Variants in APIP observed in about 807,000 individuals in gnomAD.
APIP encodes the protein APAF1 interacting protein.
APIP carries 32 observed loss-of-function variants against 32.0 expected under a neutral mutation model. The observed-to-expected ratio is 1.00, with a 90% CI of 0.76 to 1.34. The LOEUF (loss-of-function observed/expected upper bound fraction) is 1.34, where lower values mean the gene tolerates loss of function less well. APIP is among the 40% of genes most tolerant of loss of function. The pLI is 0.00. For synonymous variants in APIP, 92 were observed against 94.8 expected, an observed-to-expected ratio of 0.97 and a Z score of 0.17; for missense variants, 247 against 298.6, an observed-to-expected ratio of 0.83 and a Z score of 1.27.
chr11:34,914,299 A>G (rs1853613191), intron 1 of APIP, among the ~76,000 whole-genome samples: 1 of 152,180 alleles, frequency 6.6e-6, no homozygotes. Flanking sequence ...TGCAGCTTGC[A>G]CTTATAAATC....
intron 1 of APIP, among the ~76,000 whole-genome samples, chr11:34,901,566 T>C (rs76572964): frequency 2.6e-5 from 4 of 152,306 alleles, no homozygotes; most frequent in Non-Finnish European, 5.9e-5. Flanking sequence ...ATAGTATGAC[T>C]ATAAGGGGTG....
intron 1 of APIP, among the ~76,000 whole-genome samples, chr11:34,915,207 A>G (rs1317945858): frequency 6.6e-6 from 1 of 152,066 alleles, no homozygotes; most frequent in Non-Finnish European, 1.5e-5. Context: ...GGGTACGGAC[A>G]CTTCTCCATA....
rs1181840352 is a variant in APIP, at chr11:34,883,242, T to C, written c.629+95A>G. On this transcript the variant is annotated intron_variant, in intron 6 of 6. Coordinates refer to ENST00000395787, the MANE Select transcript of APIP (RefSeq NM_015957.4). ...AAAATAAAGTATCTACAAATAATGA[T>C]AAACAATTTAAATTTAAACCAACTG... The C allele has an allele frequency of 4.7e-6, 6 of 1,286,000 alleles. No homozygotes were observed. In the African/African-American group the frequency reaches 9.0e-5, roughly 19 times the overall value. 79.7% of individuals were successfully genotyped at this position (1,286,000 alleles called of 1,614,324 possible). A position where few individuals can be genotyped will look rare whatever the true frequency, so the allele number is the denominator to read the frequency against.
chr11:34,903,746 A>G (rs1430478009), intron 1 of APIP, among the ~76,000 whole-genome samples: 1 of 152,158 alleles, frequency 6.6e-6, no homozygotes, highest in Non-Finnish European at 1.5e-5. Flanking sequence ...TCCATAAGAG[A>G]AATTAAACCT....
chr11:34,900,212 C>G (rs1451598635), intron 1 of APIP, among the ~76,000 whole-genome samples: 1 of 152,170 alleles, frequency 6.6e-6, no homozygotes, highest in Non-Finnish European at 1.5e-5. Context: ...GGACAACTGA[C>G]CCAGTTCTTT....
rs1853243383 is a variant in APIP at position 34,895,000 on chromosome 11, A to G, written c.158+10T>C. On this transcript the variant is annotated intron_variant, in intron 2 of 6. Transcript: ENST00000395787. ...AGAGTTCCCAGTAATAAAGGCTGCC[A>G]GAAACTTACCCATGCTTCAAGCTAA... 4.3e-6 allele frequency: 7 copies of G among 1,611,216 alleles called. No individual in the cohort carries two copies. Among genetic ancestry groups the G allele is most frequent in the Non-Finnish European group, 5.9e-6 (7 of 1,177,314 alleles).
At chr11:34,899,710 G>A (rs972821525) in intron 1 of APIP, among the ~76,000 whole-genome samples, 1 of 152,144 alleles carries the variant, frequency 6.6e-6, no homozygotes, top group African/African-American at 2.4e-5. Flanking sequence ...AGTGCGACTA[G>A]GCCCAAAAGT....
intron 1 of APIP, among the ~76,000 whole-genome samples, chr11:34,904,972 C>A (rs1250542262): frequency 7.2e-5 from 11 of 152,218 alleles, no homozygotes; most frequent in Admixed American, 2.6e-4. Context: ...GCCATTTCCA[C>A]CTCTCCTTTT....
At chr11:34,908,914 C>T (rs574213400) in intron 1 of APIP, among the ~76,000 whole-genome samples, 5 of 151,984 alleles carry the variant, frequency 3.3e-5, no homozygotes, top group Non-Finnish European at 7.3e-5. Flanking sequence ...GGGCTTTGAC[C>T]TATATTTCAT....
chr11:34,882,300 A>G lies in APIP; in HGVS notation c.*417T>C, dbSNP rs1200437137. 1 of 153,494 alleles carries G rather than the reference A, an allele frequency of 6.5e-6. No individual in the cohort carries two copies. The highest frequency in any genetic ancestry group is 1.4e-5 in the Non-Finnish European group (1 of 69,034). 9.5% of individuals were successfully genotyped at this position (153,494 alleles called of 1,614,324 possible). The stretch of plus-strand genomic sequence containing the variant: ...CATTAACATTGAGGGATAAATTTGG[A>G]CTTAATGTTTCATATTTATTTTCTG... On this transcript the variant is annotated 3_prime_UTR_variant, in exon 7 of 7. Coordinates refer to ENST00000395787, the MANE Select transcript of APIP (RefSeq NM_015957.4).
At chr11:34,894,903 T>C in intron 2 of APIP, 107 bp downstream of exon 2, 1 of 948,810 alleles carries the variant, frequency 1.1e-6, no homozygotes, top group South Asian at 1.5e-5. Flanking sequence ...AGACCTTCAG[T>C]ATCACATAAA....
At chr11:34,910,290 TA>T (rs1157665429) in intron 1 of APIP, among the ~76,000 whole-genome samples, 1 of 152,226 alleles carries the variant, frequency 6.6e-6, no homozygotes, top group East Asian at 1.9e-4. Context: ...ACTGTTTCAA[TA>T]GACTGGGTGT....
chr11:34,910,638 A>G (rs1411774255), intron 1 of APIP, among the ~76,000 whole-genome samples: 2 of 152,216 alleles, frequency 1.3e-5, no homozygotes, highest in African/African-American at 2.4e-5. Context: ...TAAATATGTA[A>G]TAATACCACT....
At chr11:34,885,856 G>A (rs568636196) in intron 5 of APIP, among the ~76,000 whole-genome samples, 1 of 152,000 alleles carries the variant, frequency 6.6e-6, no homozygotes, top group Non-Finnish European at 1.5e-5. Context: ...AACTCCTATC[G>A]CCTAATGACC....
chr11:34,889,160 A>G (rs74447913), intron 3 of APIP, among the ~76,000 whole-genome samples: 1 of 152,096 alleles, frequency 6.6e-6, no homozygotes, highest in Non-Finnish European at 1.5e-5. Flanking sequence ...AATCCCAAAA[A>G]TTAAAAAAAA....
At chr11:34,886,182 C>T (rs1233262553) in intron 5 of APIP, among the ~76,000 whole-genome samples, 1 of 151,942 alleles carries the variant, frequency 6.6e-6, no homozygotes, top group East Asian at 1.9e-4. Context: ...ATGACAGCTC[C>T]ATGCATGTTA....
intron 2 of APIP, chr11:34,890,884 T>C (rs1052541958): frequency 5.5e-6 from 1 of 181,378 alleles, no homozygotes; most frequent in Admixed American, 6.2e-5. Context: ...TCTTTAAACA[T>C]GAATAAGCAG....
intron 1 of APIP, 39 bp downstream of exon 1, chr11:34,916,189 C>T (rs1285817035): frequency 2.5e-6 from 4 of 1,597,150 alleles, no homozygotes; most frequent in Middle Eastern, 2.1e-4. Context: ...CTGGGCCTCT[C>T]CTCCTGGGAA....
At chr11:34,882,921 A>C (rs1852990906) in intron 6 of APIP, 105 bp from the exon 7 acceptor site, 1 of 790,690 alleles carries the variant, frequency 1.3e-6, no homozygotes, top group African/African-American at 1.8e-5. Flanking sequence ...CTTTGTTCCT[A>C]GTATGTATTT....
Sources: gnomAD v4.1 joint callset for allele counts (sites outside exome capture counted in the v4.1 genomes callset) on GRCh38, gnomAD v4.1.1 for gene constraint, MANE v1.5 for transcripts, NCBI Gene and HGNC (gene_info 2026-07-23, HGNC 2026-07-21) for gene names.